Variants in ZNF438 observed in about 807,000 individuals in gnomAD.
The protein encoded by ZNF438 is zinc finger protein 438.
A neutral mutation model predicts 38.0 loss-of-function variants in ZNF438; 25 were observed. That is an observed-to-expected ratio of 0.66 (90% CI 0.48 to 0.92). ZNF438 has a LOEUF of 0.92. Ranked by LOEUF, ZNF438 falls within the 40% of genes least tolerant of loss-of-function variation. The pLI, the probability that ZNF438 is intolerant of heterozygous loss-of-function variation, is 0.00. For synonymous variants in ZNF438, 372 were observed against 364.1 expected, an observed-to-expected ratio of 1.02 and a Z score of -0.25; for missense variants, 1,007 against 999.6, an observed-to-expected ratio of 1.01 and a Z score of -0.10.
chr10:30,972,968 A>ATCT (rs576017358), intron 1 of ZNF438, among the ~76,000 whole-genome samples: 148 of 152,320 alleles, frequency 9.7e-4, no homozygotes, highest in African/African-American at 3.5e-3. Flanking sequence ...CATCATCATC[A>ATCT]TCATCATCTT....
At chr10:30,982,397 G>A (rs931849240) in intron 1 of ZNF438, among the ~76,000 whole-genome samples, 5 of 152,020 alleles carry the variant, frequency 3.3e-5, no homozygotes, top group Admixed American at 2.0e-4. Context: ...CACCGCGCCC[G>A]GCCATCCTGT....
chr10:30,902,057 C>T (rs148501468), intron 3 of ZNF438, among the ~76,000 whole-genome samples: 12,700 of 152,112 alleles, frequency 0.083, 611 homozygotes, highest in Non-Finnish European at 0.11. Flanking sequence ...AGTGTGGACC[C>T]AAAGAGTGGG....
intron 1 of ZNF438, among the ~76,000 whole-genome samples, chr10:31,030,734 C>T (rs1172044222): frequency 6.6e-6 from 1 of 152,068 alleles, no homozygotes; most frequent in Non-Finnish European, 1.5e-5. Flanking sequence ...ATAAATACAC[C>T]CTGAAGTGTG....
chr10:30,854,791 G>A (rs1004825170), intron 4 of ZNF438, among the ~76,000 whole-genome samples: 1 of 152,060 alleles, frequency 6.6e-6, no homozygotes, highest in Non-Finnish European at 1.5e-5. Context: ...AAGAGTGGGG[G>A]GATTAGAGCG....
intron 1 of ZNF438, among the ~76,000 whole-genome samples, chr10:30,957,929 T>G (rs1289517098): frequency 6.8e-6 from 1 of 147,428 alleles, no homozygotes; most frequent in East Asian, 1.9e-4. Flanking sequence ...TTGGTCTTGG[T>G]AGGCTGTATG....
chr10:30,969,541 G>C (rs1013812815), intron 1 of ZNF438, among the ~76,000 whole-genome samples: 1 of 152,122 alleles, frequency 6.6e-6, no homozygotes, highest in African/African-American at 2.4e-5. Flanking sequence ...CAGAACAGTG[G>C]GAAGGAAAAT....
intron 2 of ZNF438, among the ~76,000 whole-genome samples, chr10:30,933,433 T>C (rs559757709): frequency 6.6e-6 from 1 of 152,166 alleles, no homozygotes; most frequent in African/African-American, 2.4e-5. Flanking sequence ...GTCAAAATAA[T>C]ACTTGTTAAC....
At chr10:30,897,826 G>A (rs1449453336) in intron 3 of ZNF438, among the ~76,000 whole-genome samples, 8 of 152,168 alleles carry the variant, frequency 5.3e-5, no homozygotes, top group Non-Finnish European at 1.2e-4. Context: ...GCCTTGTGGG[G>A]TTGCTCCTGA....
intron 3 of ZNF438, among the ~76,000 whole-genome samples, chr10:30,899,569 TAAC>T (rs1330940004): frequency 6.6e-6 from 1 of 152,110 alleles, no homozygotes; most frequent in Non-Finnish European, 1.5e-5. Flanking sequence ...TTCACCTTAT[TAAC>T]AGGCTGTTTC....
At chr10:30,879,867 T>C (rs547655653) in intron 3 of ZNF438, among the ~76,000 whole-genome samples, 1 of 152,186 alleles carries the variant, frequency 6.6e-6, no homozygotes, top group South Asian at 2.1e-4. Flanking sequence ...ATACCAGTAT[T>C]TGAAGAGGGG....
intron 4 of ZNF438, among the ~76,000 whole-genome samples, chr10:30,867,082 C>G (rs1229836664): frequency 6.6e-6 from 1 of 152,122 alleles, no homozygotes; most frequent in Non-Finnish European, 1.5e-5. Context: ...AAAGAAGTTT[C>G]CATCTGACAA....
intron 1 of ZNF438, among the ~76,000 whole-genome samples, chr10:31,011,359 G>C (rs1198930186): frequency 6.6e-6 from 1 of 152,164 alleles, no homozygotes; most frequent in Non-Finnish European, 1.5e-5. Flanking sequence ...GGTTTCCCCT[G>C]GCTGACACAC....
chr10:30,867,653 T>A (rs766095117), intron 4 of ZNF438, among the ~76,000 whole-genome samples: 1 of 152,204 alleles, frequency 6.6e-6, no homozygotes, highest in African/African-American at 2.4e-5. Flanking sequence ...ATTGTGTGTG[T>A]TGATGAGTAC....
intron 1 of ZNF438, among the ~76,000 whole-genome samples, chr10:30,946,418 G>T (rs369461934): frequency 0.079 from 11,993 of 151,850 alleles, 564 homozygotes; most frequent in Non-Finnish European, 0.11. Flanking sequence ...ACCTACAAAA[G>T]GGGAGAAAAT....
rs562293807 is a variant in ZNF438, at chr10:30,890,206, G to A, written c.-31-13141C>T. Among the ~76,000 whole-genome samples the A allele has an allele frequency of 3.9e-5, 6 of 152,110 alleles. No individual in the cohort carries two copies. The East Asian group carries it at 9.7e-4, about 24-fold the overall frequency. ...CTGTTATAAAATGCATGCACATACA[G>A]GCACCTGTGTTCCTTAACATGTGTT... On this transcript the variant is annotated intron_variant, in intron 3 of 5. Transcript: ENST00000413025.
intron 4 of ZNF438, among the ~76,000 whole-genome samples, chr10:30,873,295 C>T (rs932194589): frequency 1.3e-5 from 2 of 152,124 alleles, no homozygotes; most frequent in South Asian, 2.1e-4. Context: ...AAAGGAATAA[C>T]GGTGACACTA....
At chr10:30,861,595 T>A (rs2035590403) in intron 4 of ZNF438, among the ~76,000 whole-genome samples, 1 of 152,256 alleles carries the variant, frequency 6.6e-6, no homozygotes, top group South Asian at 2.1e-4. Flanking sequence ...AAGGGAAAAG[T>A]ACATTTAAAA....
At chr10:30,892,043 A>C (rs1403412007) in intron 3 of ZNF438, among the ~76,000 whole-genome samples, 2 of 152,244 alleles carry the variant, frequency 1.3e-5, no homozygotes, top group Non-Finnish European at 2.9e-5. Context: ...TTACACTTCC[A>C]TAATATAGAC....
At chr10:31,014,327 G>C (rs935076151) in intron 1 of ZNF438, among the ~76,000 whole-genome samples, 9 of 152,192 alleles carry the variant, frequency 5.9e-5, no homozygotes, top group African/African-American at 1.9e-4. Context: ...CCAAGATCAG[G>C]GTGCCAGCAT....
Sources: gnomAD v4.1 joint callset for allele counts (sites outside exome capture counted in the v4.1 genomes callset) on GRCh38, gnomAD v4.1.1 for gene constraint, MANE v1.5 for transcripts, NCBI Gene and HGNC (gene_info 2026-07-23, HGNC 2026-07-21) for gene names.